DROSHA: variants seen among roughly 807,000 people sequenced by gnomAD.
The protein encoded by DROSHA is ribonuclease 3.
Under a neutral mutation model 181.9 loss-of-function variants are expected in DROSHA, and 56 were observed. The ratio of observed to expected loss-of-function variants is 0.31; its 90% CI spans 0.25 to 0.38. The LOEUF is 0.38. Among genes scored for constraint, DROSHA ranks in the 10% least tolerant of loss-of-function variants. The probability of loss-of-function intolerance (pLI) is 1.00; values close to 1 mark genes in which losing one functional copy is unlikely to be tolerated. For synonymous variants in DROSHA, 524 were observed against 591.2 expected, an observed-to-expected ratio of 0.89 and a Z score of 1.65; for missense variants, 1,218 against 1,743.5, an observed-to-expected ratio of 0.70 and a Z score of 5.37.
chr5:31,433,275 C>T (rs543542660), intron 25 of DROSHA, among the ~76,000 whole-genome samples: 45 of 152,200 alleles, frequency 3.0e-4, no homozygotes, highest in African/African-American at 9.9e-4. Context: ...TTTTGACTAC[C>T]GCAAATGCAA....
chr5:31,419,180 G>A (rs1742334344), intron 30 of DROSHA, among the ~76,000 whole-genome samples: 1 of 152,200 alleles, frequency 6.6e-6, no homozygotes, highest in South Asian at 2.1e-4. Flanking sequence ...TTTCAAGAAG[G>A]AGGAGGGAGC....
In DROSHA at chr5:31,483,544, G is replaced by T. The variant is rs925227039; in HGVS notation, c.2071+10C>A. 6 of 1,611,798 alleles carry T rather than the reference G, an allele frequency of 3.7e-6. No homozygotes were observed. The African/African-American group carries it at 8.0e-5, about 22-fold the overall frequency. ...ATCTCACCAGGTCACTGACAAGCCA[G>T]AAGATTTACCTGGAAGAAATCTTAC... On this transcript the variant is annotated intron_variant, in intron 16 of 35. Transcript: ENST00000344624.
intron 5 of DROSHA, among the ~76,000 whole-genome samples, chr5:31,524,311 T>A (rs1187072778): frequency 1.3e-5 from 2 of 152,134 alleles, no homozygotes; most frequent in African/African-American, 4.8e-5. Flanking sequence ...GATAGAGCCA[T>A]GAGAAAAATG....
chr5:31,507,849 T>G (rs1738168743), intron 10 of DROSHA, among the ~76,000 whole-genome samples: 2 of 152,200 alleles, frequency 1.3e-5, no homozygotes, highest in Non-Finnish European at 2.9e-5. Context: ...CAAACATTTC[T>G]GCTCAATTCC....
At chr5:31,490,637 GA>G (rs1752297088) in intron 13 of DROSHA, among the ~76,000 whole-genome samples, 1 of 152,164 alleles carries the variant, frequency 6.6e-6, no homozygotes, top group Admixed American at 6.5e-5. Flanking sequence ...AGAACTTATA[GA>G]ACTAGATTTG....
At chr5:31,484,745 GA>G in intron 15 of DROSHA, 135 bp downstream of exon 15, 2 of 648,340 alleles carry the variant, frequency 3.1e-6, no homozygotes, top group Non-Finnish European at 5.3e-6. Flanking sequence ...GCATTCCTGT[GA>G]ATAACACTTT....
intron 23 of DROSHA, among the ~76,000 whole-genome samples, chr5:31,438,253 T>C (rs1745130149): frequency 6.6e-6 from 1 of 152,126 alleles, no homozygotes; most frequent in African/African-American, 2.4e-5. Flanking sequence ...ATGAAGTGAT[T>C]TAGGTTTTCA....
At chr5:31,504,145 T>C (rs546816761) in intron 11 of DROSHA, among the ~76,000 whole-genome samples, 1 of 152,264 alleles carries the variant, frequency 6.6e-6, no homozygotes, top group Admixed American at 6.5e-5. Context: ...AAATAGTCAA[T>C]ATATATTCAG....
At chr5:31,493,047 G>A (rs1752588529) in intron 13 of DROSHA, among the ~76,000 whole-genome samples, 160 bp downstream of exon 13, 1 of 152,206 alleles carries the variant, frequency 6.6e-6, no homozygotes, top group African/African-American at 2.4e-5. Flanking sequence ...AATGCCACCT[G>A]ATGCACTGCT....
At chr5:31,441,193 T>A (rs1275007466) in intron 23 of DROSHA, among the ~76,000 whole-genome samples, 1 of 151,502 alleles carries the variant, frequency 6.6e-6, no homozygotes, top group Non-Finnish European at 1.5e-5. Context: ...GGGAGACAGC[T>A]TAGGCCAGAC....
intron 34 of DROSHA, 41 bp from the exon 35 acceptor site, chr5:31,405,764 ATTCTTTTTTT>A: frequency 3.7e-6 from 2 of 544,958 alleles, no homozygotes; most frequent in Non-Finnish European, 5.4e-6. Context: ...TAATTTCAAG[ATTCTTTTTTT>A]TTTTTTTTTT....
intron 30 of DROSHA, among the ~76,000 whole-genome samples, chr5:31,413,263 T>G (rs985124734): frequency 6.6e-6 from 1 of 152,206 alleles, no homozygotes; most frequent in Non-Finnish European, 1.5e-5. Context: ...AAGTGAGATC[T>G]GTAAGTTCTT....
Position 31,508,787 on chromosome 5 carries a change from T to C in DROSHA, c.1433-12A>G, listed in dbSNP as rs1738300998. ...TTCACTGGAACTCTCTAACAGGGGT[T>C]GGGAGAAAAATACAGAAATTGATGG... On this transcript the variant is annotated splice_polypyrimidine_tract_variant and intron_variant, in intron 9 of 35. Coordinates refer to ENST00000344624, the MANE Select transcript of DROSHA (RefSeq NM_001382508.1). 1.9e-6 allele frequency: 3 copies of C among 1,601,942 alleles called. No homozygotes were observed. The highest frequency in any genetic ancestry group is 2.6e-6 in the Non-Finnish European group (3 of 1,174,606).
intron 25 of DROSHA, among the ~76,000 whole-genome samples, chr5:31,435,420 A>G (rs1223257441): frequency 6.6e-6 from 1 of 152,256 alleles, no homozygotes; most frequent in African/African-American, 2.4e-5. Flanking sequence ...GTACTACAGA[A>G]ATACTACACA....
At chr5:31,429,921 T>C (rs1242966669) in intron 26 of DROSHA, among the ~76,000 whole-genome samples, 5 of 152,046 alleles carry the variant, frequency 3.3e-5, no homozygotes, top group Non-Finnish European at 5.9e-5. Flanking sequence ...TCAGATCAAA[T>C]GTATATAGAT....
At position 31,405,687 on chromosome 5, in the gene DROSHA, C is replaced by T. The variant is rs776295904; in HGVS notation, c.3984G>A (p.Ala1328=). The stretch of plus-strand genomic sequence containing the variant: ...AAAAAACAGGCTTACATTTTTCAAG[C>T]GCATCCATTGCTGCTCCCATTTCCG... ...QQAEMGAAMD[A]LEKYNFPQMA... is the part of the protein sequence containing the mutation. Residue 1328 remains alanine, a synonymous_variant, in exon 35 of 36, where the codon GCG becomes GCA. Transcript: ENST00000344624. The T allele has an allele frequency of 1.0e-5, 16 of 1,561,236 alleles. No homozygotes were observed. Among genetic ancestry groups the T allele is most frequent in the Middle Eastern group, 1.7e-4 (1 of 5,982 alleles).
rs528401113 is a variant in DROSHA at position 31,440,703 on chromosome 5, A to T, written c.2883-3405T>A. On this transcript the variant is annotated intron_variant, in intron 23 of 35. Transcript: ENST00000344624. ...CCAAAATTTGAAACTCTTCAGTGTC[A>T]ATATGATGGCACAAGTGGAAAGTTC... is the stretch of plus-strand genomic sequence containing the variant. Among the ~76,000 whole-genome samples the T allele has an allele frequency of 5.3e-5, 8 of 152,362 alleles. No homozygotes were observed. The South Asian group carries it at 1.7e-3, about 32-fold the overall frequency.
At chr5:31,507,821 A>T (rs1003101346) in intron 10 of DROSHA, among the ~76,000 whole-genome samples, 2 of 152,214 alleles carry the variant, frequency 1.3e-5, no homozygotes, top group Non-Finnish European at 2.9e-5. Context: ...CAAGTTTTAA[A>T]ATGCATTGGC....
At chr5:31,408,384 C>T (rs952613665) in intron 33 of DROSHA, among the ~76,000 whole-genome samples, 2 of 152,178 alleles carry the variant, frequency 1.3e-5, no homozygotes, top group Non-Finnish European at 2.9e-5. Context: ...TTTGTAATTC[C>T]ACTTTGAAAG....
Sources: allele counts gnomAD v4.1 joint callset (sites outside exome capture counted in the v4.1 genomes callset), GRCh38; gene constraint gnomAD v4.1.1; transcripts MANE v1.5; gene names NCBI Gene and HGNC (gene_info 2026-07-23, HGNC 2026-07-21).